Variants in CTR9 observed in about 807,000 individuals in gnomAD.
The protein encoded by CTR9 is CTR9 component of Paf1/RNA polymerase II complex.
Under a neutral mutation model 152.1 loss-of-function variants are expected in CTR9, and 41 were observed. The observed-to-expected ratio is 0.27, with a 90% CI of 0.21 to 0.35. The LOEUF is 0.35. Ranked by LOEUF, CTR9 falls within the 10% of genes least tolerant of loss-of-function variation. The pLI, the probability that CTR9 is intolerant of heterozygous loss-of-function variation, is 1.00. For missense variants in CTR9, 917 were observed against 1,424.4 expected (o/e 0.64, Z 5.73); for synonymous variants, 476 against 496.2 (o/e 0.96, Z 0.54).
intron 19 of CTR9, among the ~76,000 whole-genome samples, 176 bp downstream of exon 19, chr11:10,771,792 A>C (rs1863146998): frequency 6.6e-6 from 1 of 152,214 alleles, no homozygotes; most frequent in South Asian, 2.1e-4. Context: ...GAATTGGACA[A>C]AATTGCCTTA....
At chr11:10,769,563 T>C (rs764142724) in intron 16 of CTR9, among the ~76,000 whole-genome samples, 49 of 152,196 alleles carry the variant, frequency 3.2e-4, no homozygotes, top group Admixed American at 7.9e-4. Context: ...GGTTGTGTTT[T>C]GTGAGGCTGG....
chr11:10,764,945 T>C (rs1199003156), intron 12 of CTR9, among the ~76,000 whole-genome samples: 1 of 152,212 alleles, frequency 6.6e-6, no homozygotes, highest in African/African-American at 2.4e-5. Context: ...TTGGACCGTA[T>C]TTCAATGACT....
At chr11:10,763,276 T>C (rs1371368206) in intron 7 of CTR9, among the ~76,000 whole-genome samples, 155 bp from the exon 8 acceptor site, 1 of 150,650 alleles carries the variant, frequency 6.6e-6, no homozygotes, top group Non-Finnish European at 1.5e-5. Flanking sequence ...AGTGAATTAT[T>C]GATTAGGTTA....
At chr11:10,758,911 A>G (rs1862930004) in intron 5 of CTR9, among the ~76,000 whole-genome samples, 1 of 152,156 alleles carries the variant, frequency 6.6e-6, no homozygotes, top group Admixed American at 6.5e-5. Flanking sequence ...TAAAACCTTA[A>G]CTTTTTCACT....
At chr11:10,768,613 A>G in intron 16 of CTR9, 122 bp downstream of exon 16, 1 of 1,010,866 alleles carries the variant, frequency 9.9e-7, no homozygotes, top group Non-Finnish European at 1.4e-6. Flanking sequence ...GTCTATTTAG[A>G]GATTTATAAT....
rs774091225 is a variant in CTR9, at chr11:10,775,198, C to CTTGG, written c.2886-8_2886-7insTGGT. 1 of 1,609,398 alleles carries CTTGG rather than the reference C, an allele frequency of 6.2e-7. No individual in the cohort carries two copies. Among genetic ancestry groups the CTTGG allele is most frequent in the East Asian group, 2.2e-5 (1 of 44,798 alleles). On this transcript the variant is annotated splice_polypyrimidine_tract_variant and intron_variant, in intron 22 of 24. Coordinates refer to ENST00000361367, the MANE Select transcript of CTR9 (RefSeq NM_014633.5). ...TTGACAAACTCTCTCTTGGTGTTCA[C>CTTGG]TATTTAAGACATCCAAAGGGAGAAG...
At chr11:10,758,071 G>C (rs917826573) in intron 5 of CTR9, among the ~76,000 whole-genome samples, 21 of 152,194 alleles carry the variant, frequency 1.4e-4, no homozygotes, top group African/African-American at 5.1e-4. Flanking sequence ...CTGGAATAGA[G>C]AGAGAAAGAG....
chr11:10,777,960 C>G (rs1279536811), intron 24 of CTR9, among the ~76,000 whole-genome samples: 1 of 152,180 alleles, frequency 6.6e-6, no homozygotes, highest in Admixed American at 6.5e-5. Context: ...CTCAGAGCCT[C>G]CAGGAAGCCA....
intron 19 of CTR9, 59 bp from the exon 20 acceptor site, chr11:10,772,461 T>C: frequency 7.6e-7 from 1 of 1,307,612 alleles, no homozygotes; most frequent in Non-Finnish European, 1.0e-6. Context: ...AAAATAGATG[T>C]GCTGAGTTTT....
At chr11:10,758,170 T>A (rs1019561845) in intron 5 of CTR9, among the ~76,000 whole-genome samples, 1 of 152,216 alleles carries the variant, frequency 6.6e-6, no homozygotes, top group East Asian at 1.9e-4. Context: ...GTAAGGACTT[T>A]AGTTTTTACA....
intron 5 of CTR9, among the ~76,000 whole-genome samples, chr11:10,758,425 T>A (rs1040545706): frequency 6.6e-6 from 1 of 152,076 alleles, no homozygotes; most frequent in Admixed American, 6.5e-5. Context: ...CTACATGTAT[T>A]TTGAAAGGAG....
At chr11:10,774,481 CTG>C (rs1863198886) in intron 22 of CTR9, among the ~76,000 whole-genome samples, 1 of 152,236 alleles carries the variant, frequency 6.6e-6, no homozygotes, top group Admixed American at 6.5e-5. Context: ...TCCACACTAA[CTG>C]TGCATGTGCA....
chr11:10,753,675 GTATATATAA>G (rs1438116425), intron 2 of CTR9, among the ~76,000 whole-genome samples: 1 of 148,010 alleles, frequency 6.8e-6, no homozygotes, highest in Non-Finnish European at 1.5e-5. Flanking sequence ...TAATTTAGAT[GTATATATAA>G]TATATATTAT....
At position 10,752,485 on chromosome 11, in the gene CTR9, T is replaced by C. The variant is rs77924039; in HGVS notation, c.46-187T>C. 7.8e-3 allele frequency among the ~76,000 whole-genome samples: 1,182 copies of C among 152,374 alleles called. 18 individuals carry two copies. The highest frequency in any genetic ancestry group is 0.027 in the African/African-American group (1,129 of 41,590). ...AGGGTTTGTTTGCTTCTCTGTGCTTTAACTTTATTATAGTATAACCTATTC... is the reference window on the plus strand; with the variant it reads ...AGGGTTTGTTTGCTTCTCTGTGCTTCAACTTTATTATAGTATAACCTATTC... On this transcript the variant is annotated intron_variant, in intron 1 of 24. Coordinates refer to ENST00000361367, the MANE Select transcript of CTR9 (RefSeq NM_014633.5).
rs2135378738 is a variant in CTR9, at chr11:10,770,494, A to G, written c.2234A>G (p.His745Arg). 2 of 1,612,268 alleles carry G rather than the reference A, an allele frequency of 1.2e-6. No homozygotes were observed. The highest frequency in any genetic ancestry group is 1.7e-6 in the Non-Finnish European group (2 of 1,179,428). The change falls in exon 18 of 25, where the codon CAT becomes CGT. Residue 745 changes from histidine (H) to arginine (R), a missense_variant. Around this residue, in one of 9 missense-constraint regions of CTR9, gnomAD observed 106 missense variants for 157.8 expected, o/e 0.67. Transcript: ENST00000361367. ...ECKQTLLKAR[H>R]VAPSDTVLMF... ...TTTATTTTTTATTCACAGGCTAGACATGTGGCACCCAGTGATACAGTTCTT... is the reference window on the plus strand; with the variant it reads ...TTTATTTTTTATTCACAGGCTAGACGTGTGGCACCCAGTGATACAGTTCTT...
At chr11:10,752,511 G>A (rs1590016163) in intron 1 of CTR9, among the ~76,000 whole-genome samples, 161 bp from the exon 2 acceptor site, 2 of 152,126 alleles carry the variant, frequency 1.3e-5, no homozygotes, top group Non-Finnish European at 2.9e-5. Context: ...TAACCTATTC[G>A]TCATGTGCTC....
At position 10,767,046 on chromosome 11, in the gene CTR9, G is replaced by A. The variant is rs947183014; in HGVS notation, c.1686+556G>A. ...TGATATTTTTACTTTATTCCATTCT[G>A]TTGCATTTACTATGCAGATAACTAA... On this transcript the variant is annotated intron_variant, in intron 13 of 24. Transcript: ENST00000361367. The surrounding 1 kb of genome is among the most constrained non-coding windows in gnomAD (Gnocchi z 4.0). 10 of 152,666 alleles carry A rather than the reference G, an allele frequency of 6.6e-5. No individual in the cohort carries two copies. The highest frequency in any genetic ancestry group is 2.4e-4 in the African/African-American group (10 of 41,558). 9.5% of individuals were successfully genotyped at this position (152,666 alleles called of 1,614,324 possible). A position where few individuals can be genotyped will look rare whatever the true frequency, so the allele number is the denominator to read the frequency against.
intron 24 of CTR9, 98 bp from the exon 25 acceptor site, chr11:10,778,581 A>G (rs1327026821): frequency 1.8e-6 from 2 of 1,110,708 alleles, no homozygotes; most frequent in Non-Finnish European, 2.6e-6. Flanking sequence ...AAGAAATAGA[A>G]TATTAAATGC....
At chr11:10,760,356 G>A in intron 6 of CTR9, 35 bp downstream of exon 6, 1 of 1,587,032 alleles carries the variant, frequency 6.3e-7, no homozygotes, top group Non-Finnish European at 8.6e-7. Context: ...GCTCCTAACT[G>A]CTTTGTCAGG....
Sources: allele counts gnomAD v4.1 joint callset (sites outside exome capture counted in the v4.1 genomes callset), GRCh38; gene constraint gnomAD v4.1.1; regional missense constraint gnomAD v4.1.1; non-coding constraint Gnocchi (gnomAD v3.1); transcripts MANE v1.5; gene names NCBI Gene and HGNC (gene_info 2026-07-23, HGNC 2026-07-21).